The following MYO9B variants were observed in gnomAD, a reference collection of about 807,000 sequenced individuals.
MYO9B encodes the protein unconventional myosin-IXb.
Under a neutral mutation model 229.5 loss-of-function variants are expected in MYO9B, and 71 were observed. The observed-to-expected ratio is 0.31, with a 90% CI of 0.26 to 0.38. The LOEUF is 0.38. Among genes scored for constraint, MYO9B ranks in the 10% least tolerant of loss-of-function variants. The probability of loss-of-function intolerance (pLI) is 1.00; values close to 1 mark genes in which losing one functional copy is unlikely to be tolerated. For synonymous variants in MYO9B, 1,185 were observed against 1,235.8 expected, an observed-to-expected ratio of 0.96 and a Z score of 0.86; for missense variants, 2,255 against 2,920.5, an observed-to-expected ratio of 0.77 and a Z score of 5.25.
At chr19:17,178,787 C>G (rs1018829452) in intron 14 of MYO9B, among the ~76,000 whole-genome samples, 1 of 152,024 alleles carries the variant, frequency 6.6e-6, no homozygotes, top group African/African-American at 2.4e-5. Context: ...AATCCCAGCA[C>G]TTGGGGGAGG....
intron 2 of MYO9B, among the ~76,000 whole-genome samples, chr19:17,113,941 A>C (rs986531370): frequency 6.6e-6 from 1 of 152,128 alleles, no homozygotes; most frequent in African/African-American, 2.4e-5. Flanking sequence ...TTCCTGGTCC[A>C]ACCCAAGTTC....
intron 1 of MYO9B, among the ~76,000 whole-genome samples, chr19:17,080,976 G>T (rs979734267): frequency 6.6e-6 from 1 of 152,070 alleles, no homozygotes; most frequent in African/African-American, 2.4e-5. Flanking sequence ...ACACAGCTCA[G>T]CCCATAATAC....
At chr19:17,111,115 C>G (rs2057843988) in intron 2 of MYO9B, among the ~76,000 whole-genome samples, 1 of 152,212 alleles carries the variant, frequency 6.6e-6, no homozygotes, top group Non-Finnish European at 1.5e-5. Flanking sequence ...TCCTTTCCCC[C>G]TGAGTCTGTC....
chr19:17,163,790 T>C (rs1411450515), intron 10 of MYO9B, among the ~76,000 whole-genome samples: 1 of 152,258 alleles, frequency 6.6e-6, no homozygotes, highest in Non-Finnish European at 1.5e-5. Context: ...TTCATCCACA[T>C]AGTAGCATGT....
intron 19 of MYO9B, 93 bp downstream of exon 19, chr19:17,188,138 C>T (rs1011010321): frequency 4.4e-5 from 52 of 1,170,396 alleles, no homozygotes; most frequent in Non-Finnish European, 6.1e-5. Context: ...AGTGTAAACT[C>T]AGCAGGTTGG....
chr19:17,156,163 T>TG (rs1025382609), intron 6 of MYO9B, among the ~76,000 whole-genome samples: 4 of 152,062 alleles, frequency 2.6e-5, no homozygotes, highest in African/African-American at 9.7e-5. Flanking sequence ...CCTCTGGTGT[T>TG]GGGGGGCTCT....
At chr19:17,160,258 T>G (rs1042340732) in intron 8 of MYO9B, among the ~76,000 whole-genome samples, 4 of 152,120 alleles carry the variant, frequency 2.6e-5, no homozygotes, top group Non-Finnish European at 4.4e-5. Flanking sequence ...CACCACGTGA[T>G]ATTGCTGCAT....
At chr19:17,117,937 CAAAAAAAA>C (rs567862829) in intron 2 of MYO9B, among the ~76,000 whole-genome samples, 4 of 91,384 alleles carry the variant, frequency 4.4e-5, no homozygotes, top group South Asian at 7.4e-4. Flanking sequence ...CACTCTTCCT[CAAAAAAAA>C]AAAAAAAAAA....
chr19:17,212,115 A>C lies in MYO9B; in HGVS notation c.6279A>C (p.Pro2093=). 6.3e-7 allele frequency: 1 copy of C among 1,590,268 alleles called. No individual in the cohort carries two copies. The highest frequency in any genetic ancestry group is 1.1e-5 in the South Asian group (1 of 88,648). ...CGGGTGCCCGGGAGGCGGCTGCCCC[A>C]GTGCGGCGCCGGGAGCCACCTGCCC... ...WAPGAREAAA[P]VRRREPPARR... is the part of the protein sequence containing the mutation. Residue 2093 remains proline (P), a synonymous_variant, in exon 40 of 40, where the codon CCA becomes CCC. Transcript: ENST00000682292. The surrounding 1 kb of genome is among the most constrained non-coding windows in gnomAD (Gnocchi z 5.4).
In MYO9B at chr19:17,205,349, G is replaced by A; in HGVS notation, c.5064+13G>A. 1 of 1,612,042 alleles carries A rather than the reference G, an allele frequency of 6.2e-7. No homozygotes were observed. Among genetic ancestry groups the A allele is most frequent in the Non-Finnish European group, 8.5e-7 (1 of 1,178,392 alleles). ...CTACGGGAGGAAGGTGAGTGTACGA[G>A]GCCTGGAACTTTCTACAATGACACT... is the stretch of plus-strand genomic sequence containing the variant. On this transcript the variant is annotated intron_variant, in intron 31 of 39. Coordinates refer to ENST00000682292, the MANE Select transcript of MYO9B (RefSeq NM_004145.4).
rs568184733 is a variant in MYO9B at position 17,116,978 on chromosome 19, G to A, written c.840+14421G>A. 8.6e-4 allele frequency among the ~76,000 whole-genome samples: 131 copies of A among 152,318 alleles called. 2 individuals are homozygous for A. Among genetic ancestry groups the A allele is most frequent in the African/African-American group, 3.0e-3 (126 of 41,576 alleles). On this transcript the variant is annotated intron_variant, in intron 2 of 39. Coordinates refer to ENST00000682292, the MANE Select transcript of MYO9B (RefSeq NM_004145.4). ...AAGGGGAAGTTATATTTTGGGGAAT[G>A]CTGCATCTAAGAGAAGAGTGAAATT...
At chr19:17,114,333 C>CCGG (rs1427295577) in intron 2 of MYO9B, among the ~76,000 whole-genome samples, 6 of 152,098 alleles carry the variant, frequency 3.9e-5, no homozygotes, top group African/African-American at 1.4e-4. Context: ...CAGTTTCAGT[C>CCGG]CGGCGTTCTC....
At chr19:17,209,946 G>C (rs1285631222) in intron 36 of MYO9B, among the ~76,000 whole-genome samples, 1 of 152,154 alleles carries the variant, frequency 6.6e-6, no homozygotes, top group African/African-American at 2.4e-5. Flanking sequence ...CACACCCTTG[G>C]CCACAACCAG....
intron 16 of MYO9B, 80 bp downstream of exon 16, chr19:17,183,948 C>A: frequency 7.4e-7 from 1 of 1,346,710 alleles, no homozygotes; most frequent in Non-Finnish European, 1.0e-6. Flanking sequence ...TTCACTTCTG[C>A]AACTTCATTT....
At chr19:17,097,047 A>T (rs1328636790) in intron 1 of MYO9B, among the ~76,000 whole-genome samples, 1 of 151,698 alleles carries the variant, frequency 6.6e-6, no homozygotes, top group Non-Finnish European at 1.5e-5. Context: ...TCACGCTTGT[A>T]AATCCCAGCA....
At chr19:17,192,057 A>G (rs2072991097) in intron 20 of MYO9B, among the ~76,000 whole-genome samples, 1 of 151,856 alleles carries the variant, frequency 6.6e-6, no homozygotes, top group South Asian at 2.1e-4. Context: ...CCCAGGTTCA[A>G]CTGGTTCTCC....
At chr19:17,202,100 C>T (rs1448749494) in intron 27 of MYO9B, 30 bp from the exon 28 acceptor site, 1 of 1,612,782 alleles carries the variant, frequency 6.2e-7, no homozygotes, top group East Asian at 2.2e-5. Flanking sequence ...CTTGCCCAGG[C>T]CTGCAGGGTG....
chr19:17,205,542 T>A (rs1437017841), intron 31 of MYO9B, among the ~76,000 whole-genome samples: 1 of 152,158 alleles, frequency 6.6e-6, no homozygotes, highest in African/African-American at 2.4e-5. Flanking sequence ...GGCCTGTGTG[T>A]GTGTCTCAGC....
At chr19:17,148,801 C>A (rs2072444786) in intron 3 of MYO9B, among the ~76,000 whole-genome samples, 1 of 152,100 alleles carries the variant, frequency 6.6e-6, no homozygotes, top group South Asian at 2.1e-4. Flanking sequence ...CCAGGTTGGT[C>A]TCAAACTCCT....
Sources: gnomAD v4.1 joint callset for allele counts (sites outside exome capture counted in the v4.1 genomes callset) on GRCh38, gnomAD v4.1.1 for gene constraint, Gnocchi (gnomAD v3.1) non-coding constraint, MANE v1.5 for transcripts, NCBI Gene and HGNC (gene_info 2026-07-23, HGNC 2026-07-21) for gene names.